Variants in HS1BP3 observed in about 807,000 individuals in gnomAD.
The protein encoded by HS1BP3 is HCLS1-binding protein 3.
HS1BP3 carries 32 observed loss-of-function variants against 33.5 expected under a neutral mutation model. That is an observed-to-expected ratio of 0.95 (90% CI 0.72 to 1.28). The LOEUF is 1.28. HS1BP3 is among the 50% of genes most tolerant of loss of function. The pLI is 0.00. For synonymous variants in HS1BP3, 187 were observed against 209.2 expected (o/e 0.89, Z 0.92); for missense variants, 486 against 502.3 (o/e 0.97, Z 0.31).
intron 2 of HS1BP3, chr2:20,606,577 G>T: frequency 2.0e-6 from 1 of 489,114 alleles, no homozygotes; most frequent in South Asian, 1.6e-5. Flanking sequence ...CCTTGTCCCC[G>T]GATTTGCTCA....
At chr2:20,591,717 C>T (rs1011317976), downstream of HS1BP3, among the ~76,000 whole-genome samples, 1 of 152,128 alleles carries the variant, frequency 6.6e-6, no homozygotes, top group Non-Finnish European at 1.5e-5. Context: ...ACATGCGCCA[C>T]CATGCCCAGC....
Sources: gnomAD v4.1 joint callset for allele counts (sites outside exome capture counted in the v4.1 genomes callset) on GRCh38, gnomAD v4.1.1 for gene constraint, MANE v1.5 for transcripts, NCBI Gene and HGNC (gene_info 2026-07-23, HGNC 2026-07-21) for gene names.